The following ZNRF1 variants were observed in gnomAD, a reference collection of about 807,000 sequenced individuals.
ZNRF1 encodes E3 ubiquitin-protein ligase ZNRF1.
ZNRF1 carries 3 observed loss-of-function variants against 18.4 expected under a neutral mutation model. That is an observed-to-expected ratio of 0.16 (90% CI 0.07 to 0.42). ZNRF1 has a LOEUF of 0.42. Among genes scored for constraint, ZNRF1 ranks in the 10% least tolerant of loss-of-function variants. ZNRF1 has a pLI of 0.99. For synonymous variants in ZNRF1, 157 were observed against 144.2 expected (o/e 1.09, Z -0.64); for missense variants, 310 against 329.8 (o/e 0.94, Z 0.47).
At chr16:75,091,559 A>T (rs11643567) in intron 1 of ZNRF1, among the ~76,000 whole-genome samples, 3 of 145,706 alleles carry the variant, frequency 2.1e-5, no homozygotes, top group African/African-American at 7.6e-5. Context: ...TTGAGACAGG[A>T]TCTTGCTCTG....
At chr16:75,076,850 C>T (rs746171897) in intron 1 of ZNRF1, among the ~76,000 whole-genome samples, 17 of 151,778 alleles carry the variant, frequency 1.1e-4, no homozygotes, top group Non-Finnish European at 1.9e-4. Flanking sequence ...GAGACACCAG[C>T]GCTTTCTCTC....
chr16:75,049,311 CT>C (rs920141178), intron 1 of ZNRF1, among the ~76,000 whole-genome samples: 2 of 151,758 alleles, frequency 1.3e-5, no homozygotes, highest in East Asian at 1.9e-4. Flanking sequence ...GCCTGGAATC[CT>C]TTTTTTTATG....
In ZNRF1 at chr16:74,999,727, C is replaced by G. The variant is rs1567460313; in HGVS notation, c.56C>G (p.Ser19Cys). Residue 19 changes from serine to cysteine, a missense_variant, in exon 1 of 5, where the codon TCC becomes TGC. This residue lies in a region of ZNRF1 where 293 missense variants were observed against 291.2 expected (regional missense o/e 1.01). Transcript: ENST00000335325. ...TCCCGGGGCCCCTTCCCGGGGGTCT[C>G]CACCGATGACAGCGCCGTGCCGCCG... ...ARSRGPFPGV[S>C]TDDSAVPPPG... is the part of the protein sequence containing the mutation. 7.2e-7 allele frequency: 1 copy of G among 1,384,418 alleles called. No individual in the cohort carries two copies. The highest frequency in any genetic ancestry group is 9.3e-7 in the Non-Finnish European group (1 of 1,075,960). The allele number at this position is 1,384,418 out of a possible 1,614,324, so 85.8% of individuals were successfully genotyped here.
At chr16:75,075,838 G>C (rs1006245455) in intron 1 of ZNRF1, among the ~76,000 whole-genome samples, 1 of 152,194 alleles carries the variant, frequency 6.6e-6, no homozygotes, top group African/African-American at 2.4e-5. Flanking sequence ...CCGTGGAAAG[G>C]ATGGTTTTAG....
At chr16:75,086,046 A>G (rs2036070076) in intron 1 of ZNRF1, among the ~76,000 whole-genome samples, 1 of 151,986 alleles carries the variant, frequency 6.6e-6, no homozygotes, top group Admixed American at 6.6e-5. Flanking sequence ...TCAAGCAGTT[A>G]GGCAGACAGA....
chr16:75,013,455 T>C (rs2035026347), intron 1 of ZNRF1, among the ~76,000 whole-genome samples: 1 of 152,128 alleles, frequency 6.6e-6, no homozygotes, highest in South Asian at 2.1e-4. Flanking sequence ...CAAGCGATTC[T>C]TCTGCCTCAG....
intron 1 of ZNRF1, among the ~76,000 whole-genome samples, chr16:75,019,179 G>C (rs968001686): frequency 1.2e-4 from 18 of 151,832 alleles, no homozygotes; most frequent in African/African-American, 3.6e-4. Flanking sequence ...CAAACAAAAA[G>C]ATTAATATAG....
At chr16:75,013,606 G>C (rs199615076) in intron 1 of ZNRF1, among the ~76,000 whole-genome samples, 1 of 151,936 alleles carries the variant, frequency 6.6e-6, no homozygotes, top group Non-Finnish European at 1.5e-5. Context: ...TGGCCTCCCA[G>C]AGTGCTGGGA....
At chr16:75,010,282 C>T (rs1358008550) in intron 1 of ZNRF1, among the ~76,000 whole-genome samples, 3 of 152,136 alleles carry the variant, frequency 2.0e-5, no homozygotes, top group Non-Finnish European at 2.9e-5. Flanking sequence ...CACACCCGGC[C>T]TGGGTTGCTT....
At chr16:75,049,559 G>A (rs1030151075) in intron 1 of ZNRF1, among the ~76,000 whole-genome samples, 1 of 152,166 alleles carries the variant, frequency 6.6e-6, no homozygotes, top group Non-Finnish European at 1.5e-5. Context: ...CACTTTGGGA[G>A]GCTGAGATGG....
intron 1 of ZNRF1, among the ~76,000 whole-genome samples, chr16:75,047,264 C>T (rs998072415): frequency 4.6e-5 from 7 of 152,292 alleles, no homozygotes; most frequent in African/African-American, 1.7e-4. Context: ...TCTTGAACTC[C>T]TGGGCTCAAG....
At chr16:75,029,662 C>T (rs960060740) in intron 1 of ZNRF1, among the ~76,000 whole-genome samples, 7 of 151,092 alleles carry the variant, frequency 4.6e-5, no homozygotes, top group African/African-American at 1.7e-4. Flanking sequence ...CCAGCTGAGG[C>T]TGAGGCTGAG....
chr16:75,098,990 C>G (rs1467548812), intron 2 of ZNRF1, among the ~76,000 whole-genome samples: 1 of 152,202 alleles, frequency 6.6e-6, no homozygotes, highest in African/African-American at 2.4e-5. Context: ...GGTCTGTTCA[C>G]TCAGTGACCA....
intron 1 of ZNRF1, among the ~76,000 whole-genome samples, chr16:75,080,154 G>C (rs1686829554): frequency 1.3e-5 from 2 of 152,206 alleles, no homozygotes. Flanking sequence ...GACCTGAGGT[G>C]ATCTGCCCAC....
At chr16:75,104,611 T>G (rs1000764224) in intron 2 of ZNRF1, 173 bp from the exon 3 acceptor site, 5 of 540,988 alleles carry the variant, frequency 9.2e-6, no homozygotes, top group African/African-American at 7.7e-5. Flanking sequence ...ACGCATTATC[T>G]CCACGGTGAA....
At chr16:75,080,816 A>G (rs1457310737) in intron 1 of ZNRF1, among the ~76,000 whole-genome samples, 2 of 151,840 alleles carry the variant, frequency 1.3e-5, no homozygotes, top group Non-Finnish European at 2.9e-5. Flanking sequence ...GGAGGTTGCA[A>G]TGAGCCAAGA....
chr16:75,093,787 G>C (rs1347736806), intron 2 of ZNRF1, 120 bp downstream of exon 2: 9 of 720,174 alleles, frequency 1.2e-5, no homozygotes, highest in South Asian at 3.3e-5. Flanking sequence ...CCCTCTGGCA[G>C]GTGTGCCTCA....
intron 1 of ZNRF1, among the ~76,000 whole-genome samples, chr16:75,000,796 C>G (rs1266807296): frequency 6.6e-6 from 1 of 152,132 alleles, no homozygotes; most frequent in Non-Finnish European, 1.5e-5. Context: ...TTTTTTTCTT[C>G]TGCTCCATGC....
chr16:75,010,721 T>TTTTG lies in ZNRF1; in HGVS notation c.424+10629_424+10630insGTTT, dbSNP rs1766499951. Among the ~76,000 whole-genome samples the TTTTG allele has an allele frequency of 2.2e-5, 3 of 137,698 alleles. 1 individual carries two copies. The highest frequency in any genetic ancestry group is 5.1e-4 in the South Asian group (2 of 3,920). The allele number at this position is 137,698 out of a possible 152,430, so 90.3% of individuals were successfully genotyped here. On this transcript the variant is annotated intron_variant, in intron 1 of 4. Coordinates refer to ENST00000335325, the MANE Select transcript of ZNRF1 (RefSeq NM_032268.5). ...GTACTGTTTTTTTTTGTTTTTTTGT[T>TTTTG]TTTTTTTTTTTGAGGAGTCTCGCTC...
Sources: allele counts gnomAD v4.1 joint callset (sites outside exome capture counted in the v4.1 genomes callset), GRCh38; gene constraint gnomAD v4.1.1; regional missense constraint gnomAD v4.1.1; transcripts MANE v1.5; gene names NCBI Gene and HGNC (gene_info 2026-07-23, HGNC 2026-07-21).